Variants in CNKSR3 observed in about 807,000 individuals in gnomAD.
CNKSR3 encodes the protein CNKSR family member 3.
In CNKSR3, 36 loss-of-function variants were observed where a neutral mutation model predicts 67.7. The observed-to-expected ratio is 0.53, with a 90% CI of 0.41 to 0.70. The LOEUF is 0.70. Ranked by LOEUF, CNKSR3 falls within the 30% of genes least tolerant of loss-of-function variation. CNKSR3 has a pLI of 0.00. For missense variants in CNKSR3, 630 were observed against 695.2 expected (o/e 0.91, Z 1.05); for synonymous variants, 281 against 271.4 (o/e 1.04, Z -0.35).
At chr6:154,432,448 T>C (rs914414347) in intron 5 of CNKSR3, among the ~76,000 whole-genome samples, 5 of 152,220 alleles carry the variant, frequency 3.3e-5, no homozygotes, top group Non-Finnish European at 7.3e-5. Flanking sequence ...TTTGAAAATA[T>C]ATATCCTCCC....
At chr6:154,474,434 G>A (rs1187502860) in intron 1 of CNKSR3, among the ~76,000 whole-genome samples, 2 of 151,102 alleles carry the variant, frequency 1.3e-5, no homozygotes, top group African/African-American at 2.4e-5. Flanking sequence ...AGTGGGGGGG[G>A]GCAATATAAA....
chr6:154,399,537 G>C lies in CNKSR3; in HGVS notation c.*6817C>G, dbSNP rs896533911. On this transcript the variant is annotated 3_prime_UTR_variant, in exon 13 of 13. Coordinates refer to ENST00000607772, the MANE Select transcript of CNKSR3 (RefSeq NM_173515.4). ...AAGTGGCAAAGTGAGACAGCTGGAT[G>C]ATCCAACTTCAAAAGCTGAGCCCCC... 17 of 152,064 alleles carry C rather than the reference G, an allele frequency of 1.1e-4. No individual in the cohort carries two copies. The highest frequency in any genetic ancestry group is 3.9e-4 in the African/African-American group (16 of 41,396). The allele number at this position is 152,064 out of a possible 1,614,324, so 9.4% of individuals were successfully genotyped here. A position where few individuals can be genotyped will look rare whatever the true frequency, so the allele number is the denominator to read the frequency against.
At position 154,403,055 on chromosome 6, in the gene CNKSR3, T is replaced by C. The variant is rs1285250828; in HGVS notation, c.*3299A>G. The C allele has an allele frequency of 6.6e-6, 1 of 152,172 alleles. No individual in the cohort carries two copies. Among genetic ancestry groups the C allele is most frequent in the African/African-American group, 2.4e-5 (1 of 41,432 alleles). 9.4% of individuals were successfully genotyped at this position (152,172 alleles called of 1,614,324 possible). On this transcript the variant is annotated 3_prime_UTR_variant, in exon 13 of 13. Transcript: ENST00000607772. ...TTTCAGAATAGTAAATGGAGTGATG[T>C]TTTTATGAGTGAAGGTAAGCTTCAT... is the stretch of plus-strand genomic sequence containing the variant.
intron 1 of CNKSR3, among the ~76,000 whole-genome samples, chr6:154,463,694 T>C (rs1786132890): frequency 6.6e-6 from 1 of 152,174 alleles, no homozygotes; most frequent in African/African-American, 2.4e-5. Context: ...TATGAATCTC[T>C]AGGGTCCTCT....
intron 4 of CNKSR3, among the ~76,000 whole-genome samples, chr6:154,438,305 T>G (rs1225443055): frequency 6.6e-6 from 1 of 152,154 alleles, no homozygotes; most frequent in Non-Finnish European, 1.5e-5. Context: ...ACAACTTTTT[T>G]TCTAAATTAT....
chr6:154,436,582 G>A (rs4870284), intron 4 of CNKSR3, among the ~76,000 whole-genome samples: 15,782 of 151,998 alleles, frequency 0.1, 997 homozygotes, highest in East Asian at 0.23. Flanking sequence ...CAAACTCCTG[G>A]GCTCAAGAGA....
chr6:154,418,447 T>C (rs1785067223), intron 9 of CNKSR3, among the ~76,000 whole-genome samples: 1 of 152,208 alleles, frequency 6.6e-6, no homozygotes, highest in Non-Finnish European at 1.5e-5. Flanking sequence ...GTTTGAAGAA[T>C]AGCATTCATC....
At chr6:154,462,541 G>A (rs1032706585) in intron 1 of CNKSR3, among the ~76,000 whole-genome samples, 1 of 152,156 alleles carries the variant, frequency 6.6e-6, no homozygotes, top group African/African-American at 2.4e-5. Context: ...CCACTGCACT[G>A]GGGATAAAAT....
At chr6:154,439,366 A>T (rs1377109823) in intron 4 of CNKSR3, among the ~76,000 whole-genome samples, 1 of 152,138 alleles carries the variant, frequency 6.6e-6, no homozygotes, top group Non-Finnish European at 1.5e-5. Flanking sequence ...GGAAGCCAAC[A>T]TCAACTTGCT....
rs1430778631 is a variant in CNKSR3, at chr6:154,404,096, C to A, written c.*2258G>T. Reference sequence around the variant, plus strand: ...AGACCTCCCCAGCCCACACCCCACCCTCCTAGTGTGTTGAACACCCTGTGG... The same window carrying A: ...AGACCTCCCCAGCCCACACCCCACCATCCTAGTGTGTTGAACACCCTGTGG... On this transcript the variant is annotated 3_prime_UTR_variant, in exon 13 of 13. Transcript: ENST00000607772. 6.6e-6 allele frequency: 1 copy of A among 152,370 alleles called. No homozygotes were observed. The highest frequency in any genetic ancestry group is 1.5e-5 in the Non-Finnish European group (1 of 68,130). 9.4% of individuals were successfully genotyped at this position (152,370 alleles called of 1,614,324 possible). A position where few individuals can be genotyped will look rare whatever the true frequency, so the allele number is the denominator to read the frequency against.
chr6:154,460,745 G>A (rs1305068955), intron 1 of CNKSR3, among the ~76,000 whole-genome samples: 1 of 152,134 alleles, frequency 6.6e-6, no homozygotes, highest in African/African-American at 2.4e-5. Flanking sequence ...CCAAACACCG[G>A]CAAAACTATC....
chr6:154,481,973 C>T (rs1483353412), intron 1 of CNKSR3, among the ~76,000 whole-genome samples: 3 of 152,202 alleles, frequency 2.0e-5, no homozygotes, highest in African/African-American at 7.2e-5. Flanking sequence ...ATGACATCAT[C>T]AGCCCATGAA....
At chr6:154,497,223 A>G (rs564666903) in intron 1 of CNKSR3, among the ~76,000 whole-genome samples, 1 of 149,888 alleles carries the variant, frequency 6.7e-6, no homozygotes, top group Non-Finnish European at 1.5e-5. Context: ...CGTTTCTACT[A>G]AAGTTCAAAA....
At chr6:154,443,412 C>T (rs553430431) in intron 2 of CNKSR3, among the ~76,000 whole-genome samples, 209 of 151,402 alleles carry the variant, frequency 1.4e-3, no homozygotes, top group Non-Finnish European at 2.6e-3. Flanking sequence ...CCTCCTCCCC[C>T]GGTGTGACAA....
intron 5 of CNKSR3, 36 bp downstream of exon 5, chr6:154,433,430 A>G: frequency 6.9e-7 from 1 of 1,451,310 alleles, no homozygotes; most frequent in Non-Finnish European, 9.6e-7. Context: ...CCTTTGGAAA[A>G]TGAATTTTAC....
chr6:154,463,150 C>T (rs1454134992), intron 1 of CNKSR3, among the ~76,000 whole-genome samples: 1 of 143,754 alleles, frequency 7.0e-6, no homozygotes, highest in Non-Finnish European at 1.5e-5. Flanking sequence ...CTCGCTCTGT[C>T]GCCCAGGTTG....
At chr6:154,443,527 C>T (rs1785646876) in intron 2 of CNKSR3, among the ~76,000 whole-genome samples, 1 of 152,196 alleles carries the variant, frequency 6.6e-6, no homozygotes, top group Non-Finnish European at 1.5e-5. Flanking sequence ...TTGTGGCCTT[C>T]TTCCTCCACT....
At chr6:154,493,288 C>A (rs926869687) in intron 1 of CNKSR3, among the ~76,000 whole-genome samples, 1 of 152,190 alleles carries the variant, frequency 6.6e-6, no homozygotes, top group African/African-American at 2.4e-5. Flanking sequence ...CCCACTCCTC[C>A]AAATCCACCT....
intron 1 of CNKSR3, among the ~76,000 whole-genome samples, chr6:154,493,657 CAT>C (rs1178922194): frequency 2.6e-5 from 4 of 152,120 alleles, no homozygotes; most frequent in African/African-American, 7.2e-5. Flanking sequence ...TTAGTTGACT[CAT>C]AGTTCTGCAG....
Sources: gnomAD v4.1 joint callset for allele counts (sites outside exome capture counted in the v4.1 genomes callset) on GRCh38, gnomAD v4.1.1 for gene constraint, MANE v1.5 for transcripts, NCBI Gene and HGNC (gene_info 2026-07-23, HGNC 2026-07-21) for gene names.